FUT8: variants seen among roughly 807,000 people sequenced by gnomAD.
FUT8 encodes fucosyltransferase 8.
Under a neutral mutation model 71.3 loss-of-function variants are expected in FUT8, and 29 were observed. That is an observed-to-expected ratio of 0.41 (90% CI 0.30 to 0.55). The LOEUF is 0.55. FUT8 is among the 20% of genes least tolerant of loss of function. FUT8 has a pLI of 0.34. For synonymous variants in FUT8, 254 were observed against 239.3 expected, an observed-to-expected ratio of 1.06 and a Z score of -0.57; for missense variants, 544 against 702.1, an observed-to-expected ratio of 0.77 and a Z score of 2.55.
chr14:65,512,505 C>A (rs563963869), intron 2 of FUT8, among the ~76,000 whole-genome samples: 2 of 152,068 alleles, frequency 1.3e-5, no homozygotes, highest in African/African-American at 4.8e-5. Flanking sequence ...ATATGCAGTT[C>A]GTTGTTGATT....
chr14:65,586,711 C>T (rs1480947324), intron 3 of FUT8, among the ~76,000 whole-genome samples: 4 of 152,046 alleles, frequency 2.6e-5, no homozygotes, highest in Non-Finnish European at 5.9e-5. Flanking sequence ...TAAAAATATC[C>T]ATTTGAAATT....
chr14:65,407,381 C>T (rs1254073677), upstream of FUT8, among the ~76,000 whole-genome samples: 2 of 152,152 alleles, frequency 1.3e-5, no homozygotes, highest in Non-Finnish European at 2.9e-5. Context: ...AATCAAATTA[C>T]TCTCTCTCCT....
intron 2 of FUT8, among the ~76,000 whole-genome samples, chr14:65,534,691 A>G (rs1489550907): frequency 6.7e-6 from 1 of 149,310 alleles, no homozygotes. Context: ...ATTTTTTTCT[A>G]GACTTTCTAG....
At chr14:65,646,881 A>T (rs1324161586) in intron 6 of FUT8, among the ~76,000 whole-genome samples, 1 of 152,224 alleles carries the variant, frequency 6.6e-6, no homozygotes, top group Non-Finnish European at 1.5e-5. Context: ...TGAAAAATGA[A>T]CATGATAATT....
At position 65,632,345 on chromosome 14, in the gene FUT8, T is replaced by C. The variant is rs116861880; in HGVS notation, c.597+2739T>C. Reference sequence around the variant, plus strand: ...GTGCTAGTTACATTCCCACCAGCAGTGTAGAAGTGTTCTCTGATCACCGCA... The same window carrying C: ...GTGCTAGTTACATTCCCACCAGCAGCGTAGAAGTGTTCTCTGATCACCGCA... On this transcript the variant is annotated intron_variant, in intron 6 of 10. Coordinates refer to ENST00000673929, the MANE Select transcript of FUT8 (RefSeq NM_001371533.1). Among the ~76,000 whole-genome samples, 879 of 152,356 alleles carry C rather than the reference T, an allele frequency of 5.8e-3. 31 individuals carry two copies. In the East Asian group the frequency reaches 0.094, roughly 16 times the overall value.
chr14:65,656,456 A>G (rs1273655868), intron 6 of FUT8, among the ~76,000 whole-genome samples: 1 of 152,242 alleles, frequency 6.6e-6, no homozygotes, highest in Non-Finnish European at 1.5e-5. Flanking sequence ...AATGCAAACT[A>G]TAAAACATTG....
At chr14:65,709,390 C>G (rs1284961030) in intron 7 of FUT8, among the ~76,000 whole-genome samples, 1 of 152,008 alleles carries the variant, frequency 6.6e-6, no homozygotes, top group Admixed American at 6.6e-5. Context: ...TTAGGCAGTG[C>G]CTTGATAAAA....
Position 65,543,246 on chromosome 14 carries a change from G to A in FUT8, c.-227-18091G>A, listed in dbSNP as rs112317050. On this transcript the variant is annotated intron_variant, in intron 2 of 10. Coordinates refer to ENST00000673929, the MANE Select transcript of FUT8 (RefSeq NM_001371533.1). ...CATCTGCTTTTGACATTTTATGCAC[G>A]TAAATATAAATGAGTAAACATATGA... is the stretch of plus-strand genomic sequence containing the variant. Among the ~76,000 whole-genome samples the A allele has an allele frequency of 8.5e-5, 13 of 152,090 alleles. 1 individual carries two copies. The highest frequency in any genetic ancestry group is 5.2e-4 in the Admixed American group (8 of 15,272).
chr14:65,594,886 G>A (rs1887884734), intron 3 of FUT8, among the ~76,000 whole-genome samples: 2 of 152,186 alleles, frequency 1.3e-5, no homozygotes, highest in South Asian at 2.1e-4. Flanking sequence ...ACAGAATGGG[G>A]GTTGGGACGG....
chr14:65,557,643 T>TAA (rs67803992), intron 2 of FUT8, among the ~76,000 whole-genome samples: 9 of 146,054 alleles, frequency 6.2e-5, no homozygotes, highest in Middle Eastern at 3.5e-3. Context: ...TTTTGTCTCT[T>TAA]AAAAAAAAAA....
intron 2 of FUT8, among the ~76,000 whole-genome samples, chr14:65,510,712 A>C (rs926347075): frequency 1.3e-5 from 2 of 152,066 alleles, no homozygotes; most frequent in African/African-American, 4.8e-5. Context: ...ATTTATTGGC[A>C]TATATTTGCT....
intron 2 of FUT8, among the ~76,000 whole-genome samples, chr14:65,469,339 A>G (rs767775600): frequency 6.6e-6 from 1 of 152,212 alleles, no homozygotes; most frequent in South Asian, 2.1e-4. Flanking sequence ...GACAGAATGT[A>G]TCAGGTAAAA....
chr14:65,452,140 G>T lies in FUT8; in HGVS notation c.-325-3481G>T, dbSNP rs183835608. Reference sequence around the variant, plus strand: ...CTTCTCATTCTTAGATCCTATTTATGCTTCTTTGCTTTAGGATAACTTATT... The same window carrying T: ...CTTCTCATTCTTAGATCCTATTTATTCTTCTTTGCTTTAGGATAACTTATT... On this transcript the variant is annotated intron_variant, in intron 1 of 10. Coordinates refer to ENST00000673929, the MANE Select transcript of FUT8 (RefSeq NM_001371533.1). Among the ~76,000 whole-genome samples, 4 of 152,206 alleles carry T rather than the reference G, an allele frequency of 2.6e-5. No homozygotes were observed. In the East Asian group the frequency reaches 7.7e-4, roughly 29 times the overall value.
rs748992848 is a variant in FUT8 at position 65,561,792 on chromosome 14, A to T, written c.203+26A>T. 5.1e-6 allele frequency: 8 copies of T among 1,561,796 alleles called. No homozygotes were observed. The Admixed American group carries it at 1.3e-4, about 26-fold the overall frequency. On this transcript the variant is annotated intron_variant, in intron 3 of 10. Transcript: ENST00000673929. ...GTAGGTCCTAAAATACTGAATGAAG[A>T]ATGATGAAATATTGTACTTTGTTTT...
At chr14:65,689,174 T>G (rs142688262) in intron 7 of FUT8, among the ~76,000 whole-genome samples, 34 of 152,370 alleles carry the variant, frequency 2.2e-4, no homozygotes, top group African/African-American at 6.7e-4. Context: ...GCATTTGGTG[T>G]TGTCACTATT....
intron 2 of FUT8, among the ~76,000 whole-genome samples, chr14:65,459,428 A>G (rs764705763): frequency 2.6e-5 from 4 of 152,208 alleles, no homozygotes; most frequent in African/African-American, 4.8e-5. Context: ...TATTTTTTGC[A>G]TATTTGAAAA....
Position 65,493,670 on chromosome 14 carries a change from C to T in FUT8, c.-228+37952C>T, listed in dbSNP as rs568677610. On this transcript the variant is annotated intron_variant, in intron 2 of 10. Transcript: ENST00000673929. ...CCTCTGTTACAGAAAAGAAACTGAG[C>T]TACAATAATTTGCCCAGCAAAAGGT... Among the ~76,000 whole-genome samples, 14 of 152,074 alleles carry T rather than the reference C, an allele frequency of 9.2e-5. No individual in the cohort carries two copies. In the East Asian group the frequency reaches 2.1e-3, roughly 23 times the overall value.
intron 2 of FUT8, chr14:65,488,612 A>G (rs1236893571): frequency 1.3e-5 from 2 of 152,224 alleles, no homozygotes; most frequent in African/African-American, 4.8e-5. Flanking sequence ...AATATAATCT[A>G]TGCTTTGAAA....
intron 1 of FUT8, among the ~76,000 whole-genome samples, chr14:65,429,658 T>C (rs944126350): frequency 1.3e-5 from 2 of 151,856 alleles, no homozygotes; most frequent in Non-Finnish European, 2.9e-5. Flanking sequence ...AGCCCAGGAA[T>C]TTGAGATCAG....
Sources: allele counts gnomAD v4.1 joint callset (sites outside exome capture counted in the v4.1 genomes callset), GRCh38; gene constraint gnomAD v4.1.1; transcripts MANE v1.5; gene names NCBI Gene and HGNC (gene_info 2026-07-23, HGNC 2026-07-21).